The following STARD3NL variants were observed in gnomAD, a reference collection of about 807,000 sequenced individuals.
STARD3NL encodes the protein STARD3 N-terminal like, also known as STARD3 N-terminal-like protein.
STARD3NL carries 17 observed loss-of-function variants against 30.9 expected under a neutral mutation model. That is an observed-to-expected ratio of 0.55 (90% CI 0.38 to 0.82). The LOEUF is 0.82. Among genes scored for constraint, STARD3NL ranks in the 40% least tolerant of loss-of-function variants. The pLI is 0.00. For missense variants in STARD3NL, 234 were observed against 277.6 expected, an observed-to-expected ratio of 0.84 and a Z score of 1.12; for synonymous variants, 112 against 100.5, an observed-to-expected ratio of 1.11 and a Z score of -0.69.
At position 38,217,059 on chromosome 7, in the gene STARD3NL, C is replaced by G; in HGVS notation, c.416C>G (p.Ala139Gly). The G allele has an allele frequency of 6.2e-7, 1 of 1,614,102 alleles. No individual in the cohort carries two copies. Among genetic ancestry groups the G allele is most frequent in the Non-Finnish European group, 8.5e-7 (1 of 1,179,970 alleles). Residue 139 changes from alanine (A) to glycine (G), a missense_variant, in exon 5 of 9, where the codon GCA becomes GGA. By Grantham distance (60) the Ala-to-Gly change is moderately conservative (BLOSUM62 0). Transcript: ENST00000009041. ...GCAGTGACCAGTGCCTTTTTACTAG[C>G]AAAAGTGATCCTTTCGAAGGTATGG... ...TTAVTSAFLLAKVILSKLFSQ... is the reference protein window; with the variant it reads ...TTAVTSAFLLGKVILSKLFSQ...
Position 38,207,585 on chromosome 7 carries a change from C to T in STARD3NL, c.81C>T (p.Ser27=). 1 of 1,614,064 alleles carries T rather than the reference C, an allele frequency of 6.2e-7. No individual in the cohort carries two copies. Among genetic ancestry groups the T allele is most frequent in the Non-Finnish European group, 8.5e-7 (1 of 1,179,956 alleles). Residue 27 remains serine (S), a synonymous_variant, in exon 2 of 9, where the codon TCC becomes TCT. Transcript: ENST00000009041. Reference sequence around the variant, plus strand: ...ATGCTTCTCTGCGCAATATCCATTCCATCAACCCCACACAACTCATGGCCA... The same window carrying T: ...ATGCTTCTCTGCGCAATATCCATTCTATCAACCCCACACAACTCATGGCCA... ...SSHASLRNIH[S]INPTQLMARI...
At position 38,205,536 on chromosome 7, in the gene STARD3NL, A is replaced by G. The variant is rs1333677702; in HGVS notation, c.-58-1911A>G. Among the ~76,000 whole-genome samples, 3 of 152,192 alleles carry G rather than the reference A, an allele frequency of 2.0e-5. No individual in the cohort carries two copies. The East Asian group carries it at 5.8e-4, about 29-fold the overall frequency. ...CTATACTGTGGCTATACCATGATTT[A>G]TCTAATTATTCTAATTAGTTATTTA... On this transcript the variant is annotated intron_variant, in intron 1 of 8. Transcript: ENST00000009041.
At chr7:38,194,216 T>C (rs1784811941) in intron 1 of STARD3NL, among the ~76,000 whole-genome samples, 1 of 152,188 alleles carries the variant, frequency 6.6e-6, no homozygotes, top group Non-Finnish European at 1.5e-5. Flanking sequence ...TCTATAGTGG[T>C]ACTTGTATTC....
chr7:38,208,594 C>G (rs1001986071), intron 2 of STARD3NL, among the ~76,000 whole-genome samples: 1 of 152,126 alleles, frequency 6.6e-6, no homozygotes, highest in Non-Finnish European at 1.5e-5. Context: ...GTGAGCTCCT[C>G]CAGGAGGTTT....
At chr7:38,189,411 A>C (rs1471687683) in intron 1 of STARD3NL, among the ~76,000 whole-genome samples, 4 of 152,198 alleles carry the variant, frequency 2.6e-5, no homozygotes, top group African/African-American at 9.7e-5. Context: ...CATGTGAATT[A>C]AATAACACAT....
intron 1 of STARD3NL, among the ~76,000 whole-genome samples, chr7:38,195,350 CT>C (rs1250908586): frequency 1.3e-5 from 2 of 152,184 alleles, no homozygotes; most frequent in Non-Finnish European, 2.9e-5. Context: ...GCCACTGCCC[CT>C]GGCCACACTT....
At chr7:38,199,165 A>G (rs1039786992) in intron 1 of STARD3NL, among the ~76,000 whole-genome samples, 5 of 152,222 alleles carry the variant, frequency 3.3e-5, no homozygotes, top group African/African-American at 1.2e-4. Flanking sequence ...GTTGGGATAA[A>G]TTCTGAATTG....
At chr7:38,206,274 A>T (rs10251985) in intron 1 of STARD3NL, among the ~76,000 whole-genome samples, 1 of 151,996 alleles carries the variant, frequency 6.6e-6, no homozygotes, top group Non-Finnish European at 1.5e-5. Context: ...GGTGAGCCAC[A>T]TACTGGCGAT....
At chr7:38,228,893 A>G (rs776008338) in intron 8 of STARD3NL, 22 bp downstream of exon 8, 109 of 1,553,782 alleles carry the variant, frequency 7.0e-5, no homozygotes, top group East Asian at 2.0e-4. Flanking sequence ...AAATGAAACC[A>G]TAACAACAAA....
intron 1 of STARD3NL, among the ~76,000 whole-genome samples, chr7:38,179,381 C>G (rs775539910): frequency 5.9e-5 from 9 of 152,144 alleles, no homozygotes; most frequent in African/African-American, 1.2e-4. Flanking sequence ...AATATGTTGT[C>G]GTGTAGAAGT....
intron 1 of STARD3NL, among the ~76,000 whole-genome samples, chr7:38,178,696 C>T (rs990465296): frequency 6.6e-6 from 1 of 152,160 alleles, no homozygotes; most frequent in South Asian, 2.1e-4. Context: ...GCGGGAGTGT[C>T]CTCATTCCTC....
At chr7:38,198,320 T>A (rs1246254128) in intron 1 of STARD3NL, 1 of 152,078 alleles carries the variant, frequency 6.6e-6, no homozygotes, top group Non-Finnish European at 1.5e-5. Context: ...AACTGGAGAG[T>A]GCGTGCCCCA....
chr7:38,199,086 G>A (rs979591318), intron 1 of STARD3NL, among the ~76,000 whole-genome samples: 2 of 152,088 alleles, frequency 1.3e-5, no homozygotes, highest in African/African-American at 2.4e-5. Flanking sequence ...CAACCAAAGG[G>A]GATTCTCATC....
intron 2 of STARD3NL, among the ~76,000 whole-genome samples, chr7:38,208,401 G>C (rs1218843994): frequency 6.6e-6 from 1 of 152,146 alleles, no homozygotes; most frequent in African/African-American, 2.4e-5. Flanking sequence ...GTTTAGACCA[G>C]TACTGTCCAA....
intron 1 of STARD3NL, among the ~76,000 whole-genome samples, chr7:38,194,418 A>G (rs1288289543): frequency 6.6e-6 from 1 of 152,214 alleles, no homozygotes; most frequent in Admixed American, 6.5e-5. Flanking sequence ...TTTTGGATTT[A>G]CTAATTGTAT....
intron 7 of STARD3NL, among the ~76,000 whole-genome samples, chr7:38,224,937 A>C (rs768816621): frequency 5.9e-5 from 9 of 152,202 alleles, no homozygotes; most frequent in Non-Finnish European, 1.0e-4. Flanking sequence ...ATACAGTACT[A>C]TCTGTGGTTT....
rs139309454 is a variant in STARD3NL at position 38,193,530 on chromosome 7, C to T, written c.-58-13917C>T. 5.8e-3 allele frequency among the ~76,000 whole-genome samples: 890 copies of T among 152,316 alleles called. 7 individuals carry two copies. The highest frequency in any genetic ancestry group is 0.02 in the African/African-American group (851 of 41,570). On this transcript the variant is annotated intron_variant, in intron 1 of 8. Coordinates refer to ENST00000009041, the MANE Select transcript of STARD3NL (RefSeq NM_032016.4). ...AGCCAGGATGTTCTTGATCTCCTGA[C>T]CTCATGATCCACCCGCCTTGGCCTC...
At chr7:38,209,283 C>CTTTTTTTTTTTTT (rs36105312) in intron 2 of STARD3NL, among the ~76,000 whole-genome samples, 1 of 146,822 alleles carries the variant, frequency 6.8e-6, no homozygotes. Flanking sequence ...GGAAATGCGT[C>CTTTTTTTTTTTTT]TTTTTTTTTT....
intron 2 of STARD3NL, among the ~76,000 whole-genome samples, chr7:38,212,423 T>A (rs959721335): frequency 1.3e-5 from 2 of 152,238 alleles, no homozygotes; most frequent in African/African-American, 2.4e-5. Context: ...AGTTTAAATG[T>A]CTTCATTATT....
Sources: allele counts gnomAD v4.1 joint callset (sites outside exome capture counted in the v4.1 genomes callset), GRCh38; gene constraint gnomAD v4.1.1; transcripts MANE v1.5; gene names NCBI Gene and HGNC (gene_info 2026-07-23, HGNC 2026-07-21).